Variants in POC1A observed in about 807,000 individuals in gnomAD.
The protein encoded by POC1A is POC1 centriolar protein homolog A.
A neutral mutation model predicts 47.8 loss-of-function variants in POC1A; 34 were observed. The ratio of observed to expected loss-of-function variants is 0.71; its 90% CI spans 0.54 to 0.95. The LOEUF is 0.95. POC1A is among the 40% of genes least tolerant of loss of function. The pLI is 0.00. For missense variants in POC1A, 466 were observed against 528.3 expected (o/e 0.88, Z 1.16); for synonymous variants, 177 against 207.6 (o/e 0.85, Z 1.27).
intron 8 of POC1A, among the ~76,000 whole-genome samples, chr3:52,122,878 GCAT>G (rs1703841980): frequency 6.6e-6 from 1 of 152,228 alleles, no homozygotes. Flanking sequence ...TTCCTTCATA[GCAT>G]CAGAGTAGGG....
intron 10 of POC1A, among the ~76,000 whole-genome samples, chr3:52,091,438 C>A (rs562696433): frequency 3.3e-5 from 5 of 152,354 alleles, no homozygotes; most frequent in African/African-American, 9.6e-5. Flanking sequence ...TCACATACAT[C>A]TTCAAAGAGC....
In POC1A at chr3:52,150,349, A is replaced by G. The variant is rs542893143; in HGVS notation, c.104-362T>C. On this transcript the variant is annotated intron_variant, in intron 2 of 10. Coordinates refer to ENST00000296484, the MANE Select transcript of POC1A (RefSeq NM_015426.5). ...GCAAGTCCTCCCCAGCTGGGAAGCCAGCCCCTCCCATTGAGAGGGCCCAAC... is the reference window on the plus strand; with the variant it reads ...GCAAGTCCTCCCCAGCTGGGAAGCCGGCCCCTCCCATTGAGAGGGCCCAAC... Among the ~76,000 whole-genome samples the G allele has an allele frequency of 2.0e-5, 3 of 152,290 alleles. No individual in the cohort carries two copies. In the South Asian group the frequency reaches 6.2e-4, roughly 32 times the overall value.
At chr3:52,115,546 A>T (rs1367592782) in intron 9 of POC1A, among the ~76,000 whole-genome samples, 1 of 152,178 alleles carries the variant, frequency 6.6e-6, no homozygotes, top group Non-Finnish European at 1.5e-5. Flanking sequence ...AGTGTCCCCC[A>T]AAATTCCTGT....
chr3:52,086,388 G>T (rs1392457509), intron 10 of POC1A, among the ~76,000 whole-genome samples: 3 of 152,182 alleles, frequency 2.0e-5, no homozygotes, highest in Non-Finnish European at 2.9e-5. Context: ...CTCCCCTGTA[G>T]CATGGTTTTG....
intron 8 of POC1A, among the ~76,000 whole-genome samples, chr3:52,122,684 T>C (rs1320793116): frequency 6.6e-6 from 1 of 152,228 alleles, no homozygotes; most frequent in Non-Finnish European, 1.5e-5. Flanking sequence ...GACCTGGATG[T>C]GACCAGGATG....
intron 1 of POC1A, among the ~76,000 whole-genome samples, chr3:52,153,642 C>A (rs1008598846): frequency 2.0e-5 from 3 of 152,262 alleles, no homozygotes; most frequent in African/African-American, 7.2e-5. Flanking sequence ...TATCTCTCAA[C>A]ACCGCCTCCC....
At chr3:52,136,159 G>A (rs377256275) in intron 7 of POC1A, among the ~76,000 whole-genome samples, 1 of 152,278 alleles carries the variant, frequency 6.6e-6, no homozygotes, top group African/African-American at 2.4e-5. Flanking sequence ...GCTGGGTGTC[G>A]TCGGTATCCC....
intron 6 of POC1A, among the ~76,000 whole-genome samples, chr3:52,140,145 C>T (rs570017687): frequency 5.3e-5 from 8 of 152,354 alleles, no homozygotes; most frequent in Admixed American, 5.2e-4. Flanking sequence ...ACAGGGTGCA[C>T]GCAGTCCCTC....
Position 52,079,524 on chromosome 3 carries a change from AAC to A in POC1A, c.1126-3541_1126-3540del, listed in dbSNP as rs1429649257. Among the ~76,000 whole-genome samples the A allele has an allele frequency of 6.6e-6, 1 of 152,242 alleles. No individual in the cohort carries two copies. Among genetic ancestry groups the A allele is most frequent in the East Asian group, 1.9e-4 (1 of 5,200 alleles). ...AGGAAAAATGAGCGCTGACCTTCCA[AAC>A]AGTTCCTTGATCACACTGCCTCTCA... On this transcript the variant is annotated intron_variant, in intron 10 of 10. Coordinates refer to ENST00000296484, the MANE Select transcript of POC1A (RefSeq NM_015426.5). The surrounding 1 kb of genome is among the most constrained non-coding windows in gnomAD (Gnocchi z 4.6).
chr3:52,095,882 T>C (rs1331222297), intron 10 of POC1A, among the ~76,000 whole-genome samples: 2 of 152,256 alleles, frequency 1.3e-5, no homozygotes, highest in Non-Finnish European at 2.9e-5. Flanking sequence ...TTGCTCTTAC[T>C]GAAACTGCTA....
chr3:52,106,067 C>T lies in POC1A; in HGVS notation c.982-9355G>A, dbSNP rs926631070. 7.3e-5 allele frequency among the ~76,000 whole-genome samples: 11 copies of T among 150,712 alleles called. No homozygotes were observed. The East Asian group carries it at 9.8e-4, about 13-fold the overall frequency. ...AAAATTAGCTGGGCGAGGTGGCGGG[C>T]GCCTGTAGTCCCACCTACTTGGGAG... On this transcript the variant is annotated intron_variant, in intron 9 of 10. Coordinates refer to ENST00000296484, the MANE Select transcript of POC1A (RefSeq NM_015426.5).
intron 9 of POC1A, among the ~76,000 whole-genome samples, chr3:52,106,573 G>A (rs896780108): frequency 1.1e-4 from 16 of 152,114 alleles, no homozygotes; most frequent in Non-Finnish European, 1.8e-4. Context: ...ATGAAGGATG[G>A]GGAATCTGCA....
chr3:52,137,894 C>T (rs1452075969), intron 7 of POC1A, among the ~76,000 whole-genome samples: 3 of 152,200 alleles, frequency 2.0e-5, no homozygotes, highest in Admixed American at 2.0e-4. Context: ...ATGGCTGAGG[C>T]CATTAGGGGA....
intron 10 of POC1A, among the ~76,000 whole-genome samples, chr3:52,081,772 A>G (rs535594792): frequency 3.9e-5 from 6 of 152,214 alleles, no homozygotes; most frequent in Non-Finnish European, 8.8e-5. Context: ...ACACAGGGAC[A>G]GTCTGGGAGT....
At chr3:52,136,080 T>C (rs978142181) in intron 7 of POC1A, among the ~76,000 whole-genome samples, 1 of 151,844 alleles carries the variant, frequency 6.6e-6, no homozygotes, top group Admixed American at 6.6e-5. Context: ...CTGAATCAGT[T>C]TGCAGAACCC....
intron 7 of POC1A, among the ~76,000 whole-genome samples, chr3:52,130,946 C>A (rs1704187025): frequency 6.6e-6 from 1 of 151,278 alleles, no homozygotes; most frequent in Non-Finnish European, 1.5e-5. Flanking sequence ...AGTCTCAAAG[C>A]ATAGCCCTGA....
At chr3:52,110,734 A>G (rs1703351352) in intron 9 of POC1A, among the ~76,000 whole-genome samples, 1 of 152,160 alleles carries the variant, frequency 6.6e-6, no homozygotes, top group Non-Finnish European at 1.5e-5. Context: ...AGGTCCTTCA[A>G]GGCATGCAGC....
chr3:52,122,552 C>T (rs2107091473), intron 8 of POC1A, 75 bp from the exon 9 acceptor site: 2 of 935,220 alleles, frequency 2.1e-6, no homozygotes, highest in Non-Finnish European at 3.5e-6. Context: ...GAAATGGGCT[C>T]AGAGGCCATG....
rs905186195 is a variant in POC1A at position 52,149,681 on chromosome 3, T to G, written c.275+135A>C. The G allele has an allele frequency of 6.4e-5, 55 of 857,056 alleles. No homozygotes were observed. In the Admixed American group the frequency reaches 8.0e-4, roughly 12 times the overall value. The allele number at this position is 857,056 out of a possible 1,614,324, so 53.1% of individuals were successfully genotyped here. A position where few individuals can be genotyped will look rare whatever the true frequency, so the allele number is the denominator to read the frequency against. On this transcript the variant is annotated intron_variant, in intron 3 of 10. Coordinates refer to ENST00000296484, the MANE Select transcript of POC1A (RefSeq NM_015426.5). ...GGGCTCCAACTGCAGCCCCAGCCTCTGATGGCACCTCTTCCAAAGCAGAGT... is the reference window on the plus strand; with the variant it reads ...GGGCTCCAACTGCAGCCCCAGCCTCGGATGGCACCTCTTCCAAAGCAGAGT...
Sources: allele counts gnomAD v4.1 joint callset (sites outside exome capture counted in the v4.1 genomes callset), GRCh38; gene constraint gnomAD v4.1.1; non-coding constraint Gnocchi (gnomAD v3.1); transcripts MANE v1.5; gene names NCBI Gene and HGNC (gene_info 2026-07-23, HGNC 2026-07-21).